WDR7: variants seen among roughly 807,000 people sequenced by gnomAD.
WDR7 encodes the protein WD repeat-containing protein 7.
In WDR7, 46 loss-of-function variants were observed where a neutral mutation model predicts 169.4. That is an observed-to-expected ratio of 0.27 (90% CI 0.21 to 0.35). The LOEUF is 0.35. Ranked by LOEUF, WDR7 falls within the 10% of genes least tolerant of loss-of-function variation. WDR7 has a pLI of 1.00. For missense variants in WDR7, 1,534 were observed against 1,859.3 expected (o/e 0.83, Z 3.22); for synonymous variants, 612 against 666.8 (o/e 0.92, Z 1.27).
chr18:56,907,786 G>A lies in WDR7; in HGVS notation c.3527-16136G>A, dbSNP rs569279839. Reference sequence around the variant, plus strand: ...TGAGAGTCCTCACTTGGTAGAAAGGGTGAACAAACTCCCTCAGGCTTCTTT... The same window carrying A: ...TGAGAGTCCTCACTTGGTAGAAAGGATGAACAAACTCCCTCAGGCTTCTTT... On this transcript the variant is annotated intron_variant, in intron 21 of 27. Transcript: ENST00000254442. Among the ~76,000 whole-genome samples the A allele has an allele frequency of 2.4e-4, 37 of 152,186 alleles. 1 individual carries two copies. The highest frequency in any genetic ancestry group is 8.9e-4 in the African/African-American group (37 of 41,536).
Position 56,757,057 on chromosome 18 carries a change from G to A in WDR7, c.2464G>A (p.Asp822Asn), listed in dbSNP as rs1263566473. The change falls in exon 15 of 28, where the codon GAT becomes AAT. Residue 822 changes from aspartate (D) to asparagine (N), a missense_variant. Transcript: ENST00000254442. Reference sequence around the variant, plus strand: ...TGAAGTACTGGATGAAGTTTGCCTGGATCGCCTTGGAATGCTGAAACCCCA... The same window carrying A: ...TGAAGTACTGGATGAAGTTTGCCTGAATCGCCTTGGAATGCTGAAACCCCA... ...LNEVLDEVCL[D>N]RLGMLKPHCT... 4 of 1,614,130 alleles carry A rather than the reference G, an allele frequency of 2.5e-6. No individual in the cohort carries two copies. In the East Asian group the frequency reaches 8.9e-5, roughly 36 times the overall value.
intron 19 of WDR7, among the ~76,000 whole-genome samples, chr18:56,805,757 G>A (rs12326309): frequency 0.13 from 20,070 of 151,768 alleles, 2,054 homozygotes; most frequent in African/African-American, 0.29. Context: ...ATTTACCAGT[G>A]ATTCTACTTC....
At chr18:56,718,879 G>A (rs1485017674) in intron 13 of WDR7, among the ~76,000 whole-genome samples, 2 of 151,764 alleles carry the variant, frequency 1.3e-5, no homozygotes, top group African/African-American at 2.4e-5. Context: ...CCTTTTCTTC[G>A]TCTTTGTTTT....
chr18:56,944,969 T>C (rs571266170), intron 25 of WDR7, among the ~76,000 whole-genome samples: 1 of 152,330 alleles, frequency 6.6e-6, no homozygotes, highest in South Asian at 2.1e-4. Context: ...AACTCCAAGA[T>C]AAAACCCAAA....
At chr18:56,713,525 A>G (rs2026127760) in intron 12 of WDR7, among the ~76,000 whole-genome samples, 1 of 152,192 alleles carries the variant, frequency 6.6e-6, no homozygotes, top group African/African-American at 2.4e-5. Context: ...AGGCATAAAT[A>G]TTTTTCAAAT....
intron 26 of WDR7, among the ~76,000 whole-genome samples, chr18:57,001,945 A>G (rs533568611): frequency 6.6e-6 from 1 of 152,294 alleles, no homozygotes; most frequent in East Asian, 1.9e-4. Context: ...GCCTGTCTAC[A>G]CTGGAACCGA....
At chr18:56,845,247 A>G (rs559147161) in intron 20 of WDR7, among the ~76,000 whole-genome samples, 1 of 152,232 alleles carries the variant, frequency 6.6e-6, no homozygotes, top group African/African-American at 2.4e-5. Flanking sequence ...ATAATACCTT[A>G]CTTGGTTGTA....
At chr18:56,693,810 G>A (rs929731761) in intron 9 of WDR7, among the ~76,000 whole-genome samples, 9 of 151,972 alleles carry the variant, frequency 5.9e-5, no homozygotes, top group African/African-American at 2.2e-4. Context: ...GGCCTCAAGT[G>A]ATCTGCCCGC....
chr18:56,705,574 T>C (rs2025930373), intron 12 of WDR7, among the ~76,000 whole-genome samples: 1 of 152,216 alleles, frequency 6.6e-6, no homozygotes, highest in African/African-American at 2.4e-5. Context: ...ATGCATGTTA[T>C]GTGGAGGTGT....
At chr18:56,776,939 G>T in intron 17 of WDR7, 59 bp downstream of exon 17, 1 of 1,457,436 alleles carries the variant, frequency 6.9e-7, no homozygotes, top group South Asian at 1.1e-5. Context: ...TGACAGACAT[G>T]TTCTTTTTAT....
intron 13 of WDR7, among the ~76,000 whole-genome samples, chr18:56,730,983 A>G (rs2026573123): frequency 6.6e-6 from 1 of 152,156 alleles, no homozygotes. Context: ...AAAAAAACAA[A>G]TTTTAGTAAG....
intron 20 of WDR7, among the ~76,000 whole-genome samples, chr18:56,818,315 A>G (rs1361874075): frequency 1.3e-5 from 2 of 152,236 alleles, no homozygotes; most frequent in Non-Finnish European, 2.9e-5. Context: ...TGCACTACCA[A>G]AGTCATGAGA....
the WDR7 span, chr18:57,036,005 G>A: frequency 6.6e-6 from 1 of 152,236 alleles, no homozygotes; most frequent in Admixed American, 6.5e-5. Context: ...CTCTGGGTTT[G>A]CCCAGTAGTA....
At chr18:56,900,111 A>ATATATATATATATATATAT (rs1555707547) in intron 21 of WDR7, among the ~76,000 whole-genome samples, 80 of 137,586 alleles carry the variant, frequency 5.8e-4, no homozygotes, top group East Asian at 8.1e-4. Context: ...TATATATATA[A>ATATATATATATATATATAT]AATTGTTAAT....
In WDR7 at chr18:56,745,873, C is replaced by T. The variant is rs144371125; in HGVS notation, c.1990-10710C>T. On this transcript the variant is annotated intron_variant, in intron 14 of 27. Coordinates refer to ENST00000254442, the MANE Select transcript of WDR7 (RefSeq NM_015285.3). ...CCTCCTACTTTGAATCCTTTTACAT[C>T]CCATAAAGAAGCCCCTTGACCTCCA... Among the ~76,000 whole-genome samples the T allele has an allele frequency of 6.5e-3, 986 of 152,232 alleles. 11 individuals carry two copies. Among genetic ancestry groups the T allele is most frequent in the African/African-American group, 0.023 (936 of 41,530 alleles).
chr18:56,930,829 C>T (rs537202775), intron 22 of WDR7, among the ~76,000 whole-genome samples: 1 of 152,124 alleles, frequency 6.6e-6, no homozygotes, highest in Admixed American at 6.5e-5. Flanking sequence ...TCTCCTCCAC[C>T]GGCCCCCCTG....
Position 56,900,835 on chromosome 18 carries a change from A to G in WDR7, c.3526+20670A>G, listed in dbSNP as rs1305057449. Among the ~76,000 whole-genome samples, 3 of 152,182 alleles carry G rather than the reference A, an allele frequency of 2.0e-5. No individual in the cohort carries two copies. In the East Asian group the frequency reaches 5.8e-4, roughly 29 times the overall value. ...TTCCAAGGGTTAGGCCATCCACAGC[A>G]GCTTGGGGAGGGAAGTGTTTTTCCC... On this transcript the variant is annotated intron_variant, in intron 21 of 27. Coordinates refer to ENST00000254442, the MANE Select transcript of WDR7 (RefSeq NM_015285.3).
intron 19 of WDR7, among the ~76,000 whole-genome samples, chr18:56,782,799 C>T (rs1291280500): frequency 6.6e-6 from 1 of 152,020 alleles, no homozygotes; most frequent in African/African-American, 2.4e-5. Context: ...AGTGGTGACT[C>T]TAGTGGATGT....
chr18:57,022,754 T>G (rs1599254911), intron 27 of WDR7, among the ~76,000 whole-genome samples: 1 of 152,346 alleles, frequency 6.6e-6, no homozygotes, highest in Middle Eastern at 3.4e-3. Flanking sequence ...GGTAACATCC[T>G]TTTCACTTAG....
Sources: allele counts gnomAD v4.1 joint callset (sites outside exome capture counted in the v4.1 genomes callset), GRCh38; gene constraint gnomAD v4.1.1; transcripts MANE v1.5; gene names NCBI Gene and HGNC (gene_info 2026-07-23, HGNC 2026-07-21).